GLI2: variants seen among roughly 807,000 people sequenced by gnomAD.
GLI2 encodes the protein transcription activator GLI2.
In GLI2, 22 loss-of-function variants were observed where a neutral mutation model predicts 78.9. The observed-to-expected ratio is 0.28, with a 90% CI of 0.20 to 0.40. The LOEUF (loss-of-function observed/expected upper bound fraction) is 0.40, where lower values mean the gene tolerates loss of function less well. Among genes scored for constraint, GLI2 ranks in the 10% least tolerant of loss-of-function variants. The pLI, the probability that GLI2 is intolerant of heterozygous loss-of-function variation, is 1.00. For synonymous variants in GLI2, 974 were observed against 963.7 expected (o/e 1.01, Z -0.20); for missense variants, 2,097 against 2,213.2 (o/e 0.95, Z 1.05).
At chr2:120,775,969 G>C (rs750077603) in intron 1 of GLI2, among the ~76,000 whole-genome samples, 12 of 152,232 alleles carry the variant, frequency 7.9e-5, no homozygotes, top group Non-Finnish European at 1.8e-4. Flanking sequence ...TAACGCTCTC[G>C]CCCTGGCTGG....
intron 12 of GLI2, among the ~76,000 whole-genome samples, chr2:120,985,592 G>A (rs1682934496): frequency 6.6e-6 from 1 of 152,200 alleles, no homozygotes; most frequent in African/African-American, 2.4e-5. Context: ...AAGAAAGCTG[G>A]AATTTGGGGC....
chr2:120,865,202 G>A (rs913065889), intron 2 of GLI2, among the ~76,000 whole-genome samples: 5 of 152,178 alleles, frequency 3.3e-5, no homozygotes, highest in Non-Finnish European at 7.3e-5. Context: ...GGAGCCCTTC[G>A]CGGTTCCAGA....
At chr2:120,751,934 G>T (rs1682884534) in intron 1 of GLI2, among the ~76,000 whole-genome samples, 1 of 152,126 alleles carries the variant, frequency 6.6e-6, no homozygotes, top group Non-Finnish European at 1.5e-5. Context: ...CCCAGGGGAA[G>T]GCAGCCCATG....
Position 120,990,146 on chromosome 2 carries a change from A to C in GLI2, c.4181A>C (p.Glu1394Ala). 7 of 1,610,140 alleles carry C rather than the reference A, an allele frequency of 4.3e-6. No individual in the cohort carries two copies. Among genetic ancestry groups the C allele is most frequent in the Non-Finnish European group, 5.9e-6 (7 of 1,177,648 alleles). ...HAMAAMPSSQETAEAVPKGAM... is the reference protein window; with the variant it reads ...HAMAAMPSSQATAEAVPKGAM... ...ATGGCTGCCATGCCGTCCAGTCAGG[A>C]AACAGCAGAGGCTGTGCCCAAGGGA... The change falls in exon 14 of 14, where the codon GAA becomes GCA. Residue 1394 changes from glutamate (E) to alanine (A), a missense_variant. Physicochemically the swap from Glu to Ala is moderately radical, Grantham distance 107. Around this residue, in one of 5 missense-constraint regions of GLI2, gnomAD observed 1,290 missense variants for 1,261.7 expected, o/e 1.02. Transcript: ENST00000361492.
chr2:120,858,960 G>A (rs922065534), intron 2 of GLI2, among the ~76,000 whole-genome samples: 4 of 152,216 alleles, frequency 2.6e-5, no homozygotes, highest in Non-Finnish European at 4.4e-5. Flanking sequence ...GGCAGGACCG[G>A]AGCGTTCTTG....
intron 2 of GLI2, among the ~76,000 whole-genome samples, chr2:120,827,167 A>C (rs1479618644): frequency 1.3e-5 from 2 of 152,164 alleles, no homozygotes; most frequent in Non-Finnish European, 2.9e-5. Flanking sequence ...ACACAAACAT[A>C]TGACTATGTT....
intron 2 of GLI2, among the ~76,000 whole-genome samples, chr2:120,884,127 C>G (rs931102406): frequency 9.9e-5 from 15 of 152,194 alleles, no homozygotes; most frequent in Admixed American, 3.3e-4. Flanking sequence ...GCTTTCCTGG[C>G]CTAGGTCACA....
At chr2:120,885,907 A>C (rs537665838) in intron 2 of GLI2, among the ~76,000 whole-genome samples, 40 of 152,332 alleles carry the variant, frequency 2.6e-4, no homozygotes, top group Non-Finnish European at 4.4e-5. Context: ...GCCGTGAGCT[A>C]AAACCATACT....
At chr2:120,753,405 A>AT (rs1459454102) in intron 1 of GLI2, among the ~76,000 whole-genome samples, 1 of 152,078 alleles carries the variant, frequency 6.6e-6, no homozygotes, top group Non-Finnish European at 1.5e-5. Context: ...CTCTCTACGG[A>AT]TTTTAATCTT....
At chr2:120,784,465 A>C (rs979267320) in intron 1 of GLI2, among the ~76,000 whole-genome samples, 4 of 149,694 alleles carry the variant, frequency 2.7e-5, no homozygotes, top group African/African-American at 9.8e-5. Flanking sequence ...AAATAACATA[A>C]AGGGCGAGTC....
Position 120,968,786 on chromosome 2 carries a change from C to A in GLI2, c.716C>A (p.Ser239Ter). ...RKRALSISPL[S>*]DASLDLQRMI... The stretch of plus-strand genomic sequence containing the variant: ...CGGGCGCTGTCCATCTCCCCACTCT[C>A]AGACGCCAGCCTGGACCTGCAGCGG... Residue 239 changes from serine (S) to a stop codon, truncating the protein, a stop_gained, in exon 6 of 14, where the codon TCA becomes TAA. Transcript: ENST00000361492. LOFTEE classifies it high-confidence loss of function. 1 of 1,613,742 alleles carries A rather than the reference C, an allele frequency of 6.2e-7. No individual in the cohort carries two copies. Among genetic ancestry groups the A allele is most frequent in the Non-Finnish European group, 8.5e-7 (1 of 1,179,926 alleles).
At chr2:120,784,079 G>A (rs1292549056) in intron 1 of GLI2, among the ~76,000 whole-genome samples, 2 of 152,214 alleles carry the variant, frequency 1.3e-5, no homozygotes, top group Admixed American at 6.5e-5. Flanking sequence ...GGTGTGCGGG[G>A]GCAATCCAGG....
At chr2:120,766,159 C>T (rs1241942009) in intron 1 of GLI2, among the ~76,000 whole-genome samples, 2 of 152,174 alleles carry the variant, frequency 1.3e-5, no homozygotes, top group Admixed American at 1.3e-4. Context: ...TGCTGTTCTT[C>T]AGCATGTCTG....
intron 5 of GLI2, among the ~76,000 whole-genome samples, chr2:120,960,140 A>G (rs962379559): frequency 1.3e-5 from 2 of 152,184 alleles, no homozygotes; most frequent in African/African-American, 4.8e-5. Context: ...TAGGGACGCA[A>G]CGCATCATGA....
chr2:120,977,783 T>C (rs892924288), intron 9 of GLI2, among the ~76,000 whole-genome samples: 1 of 152,100 alleles, frequency 6.6e-6, no homozygotes, highest in Non-Finnish European at 1.5e-5. Context: ...ACCATTAAGG[T>C]CAGTTCTGGC....
At chr2:120,809,018 C>T (rs1685102059) in intron 2 of GLI2, among the ~76,000 whole-genome samples, 1 of 152,160 alleles carries the variant, frequency 6.6e-6, no homozygotes, top group Non-Finnish European at 1.5e-5. Flanking sequence ...TCTTCAAGAA[C>T]TACCTCCGAT....
chr2:120,898,801 A>G (rs1678105358), intron 2 of GLI2, among the ~76,000 whole-genome samples: 2 of 152,160 alleles, frequency 1.3e-5, no homozygotes, highest in Non-Finnish European at 2.9e-5. Context: ...AGGTGAAGCG[A>G]CTTGTCCAAA....
chr2:120,816,658 AAGT>A (rs929977515), intron 2 of GLI2, among the ~76,000 whole-genome samples: 16 of 151,876 alleles, frequency 1.1e-4, no homozygotes, highest in African/African-American at 2.9e-4. Flanking sequence ...TTAAAAAAAA[AAGT>A]AAGAAGAGTA....
intron 2 of GLI2, among the ~76,000 whole-genome samples, chr2:120,853,839 G>A (rs551701293): frequency 1.3e-5 from 2 of 152,246 alleles, no homozygotes; most frequent in African/African-American, 4.8e-5. Flanking sequence ...ATGGTTACAG[G>A]TGCAGCTGGC....
Sources: allele counts gnomAD v4.1 joint callset (sites outside exome capture counted in the v4.1 genomes callset), GRCh38; gene constraint gnomAD v4.1.1; regional missense constraint gnomAD v4.1.1; transcripts MANE v1.5; gene names NCBI Gene and HGNC (gene_info 2026-07-23, HGNC 2026-07-21).